Variants in DENND1A observed in about 807,000 individuals in gnomAD.
DENND1A encodes DENN domain-containing protein 1A.
Under a neutral mutation model 113.7 loss-of-function variants are expected in DENND1A, and 51 were observed. The ratio of observed to expected loss-of-function variants is 0.45; its 90% CI spans 0.36 to 0.57. DENND1A has a LOEUF of 0.57. Among genes scored for constraint, DENND1A ranks in the 20% least tolerant of loss-of-function variants. The pLI, the probability that DENND1A is intolerant of heterozygous loss-of-function variation, is 0.00. For synonymous variants in DENND1A, 565 were observed against 570.8 expected (o/e 0.99, Z 0.14); for missense variants, 1,258 against 1,395.9 (o/e 0.90, Z 1.57).
intron 2 of DENND1A, among the ~76,000 whole-genome samples, chr9:123,877,167 TC>T (rs1219114379): frequency 6.6e-6 from 1 of 152,078 alleles, no homozygotes; most frequent in African/African-American, 2.4e-5. Flanking sequence ...ACACAACTGC[TC>T]TTGTAACCCC....
At chr9:123,693,081 A>T (rs1198234883) in intron 5 of DENND1A, among the ~76,000 whole-genome samples, 28 of 152,184 alleles carry the variant, frequency 1.8e-4, no homozygotes, top group Non-Finnish European at 4.4e-5. Context: ...TTTAATTTAT[A>T]TCAAATAAAC....
chr9:123,510,026 C>T (rs531150432), intron 13 of DENND1A, among the ~76,000 whole-genome samples: 4 of 152,244 alleles, frequency 2.6e-5, no homozygotes, highest in Non-Finnish European at 4.4e-5. Flanking sequence ...AAAGCTGTCC[C>T]CTTCAAAGAC....
intron 8 of DENND1A, among the ~76,000 whole-genome samples, chr9:123,660,987 G>A (rs1261972284): frequency 6.6e-6 from 1 of 152,328 alleles, no homozygotes; most frequent in Non-Finnish European, 1.5e-5. Flanking sequence ...AATATCCTAC[G>A]ATGTATAAAA....
chr9:123,510,132 C>T (rs2053326908), intron 13 of DENND1A, among the ~76,000 whole-genome samples: 1 of 152,266 alleles, frequency 6.6e-6, no homozygotes, highest in South Asian at 2.1e-4. Flanking sequence ...TCCCACTTCT[C>T]TGCTGTAGCC....
chr9:123,879,148 T>C (rs1847954358), intron 1 of DENND1A, 127 bp from the exon 2 acceptor site: 4 of 835,336 alleles, frequency 4.8e-6, no homozygotes, highest in Admixed American at 4.5e-5. Context: ...CGTGGAACTT[T>C]GGACAAGCTA....
At chr9:123,490,455 G>A (rs1037801376) in intron 13 of DENND1A, among the ~76,000 whole-genome samples, 1 of 152,044 alleles carries the variant, frequency 6.6e-6, no homozygotes, top group Non-Finnish European at 1.5e-5. Context: ...CAGGCGTGGT[G>A]GGGGGCACCT....
intron 10 of DENND1A, among the ~76,000 whole-genome samples, chr9:123,629,153 A>G (rs1480475238): frequency 6.6e-6 from 1 of 152,216 alleles, no homozygotes; most frequent in African/African-American, 2.4e-5. Flanking sequence ...TGGAGATCCC[A>G]GCAAAAGTAT....
chr9:123,388,782 C>T (rs1006467468), intron 21 of DENND1A, among the ~76,000 whole-genome samples: 6 of 152,050 alleles, frequency 3.9e-5, no homozygotes, highest in African/African-American at 1.2e-4. Context: ...CAGGGGCGAG[C>T]TGGACCAGGC....
At chr9:123,731,564 A>G (rs1486056215) in intron 5 of DENND1A, among the ~76,000 whole-genome samples, 1 of 152,262 alleles carries the variant, frequency 6.6e-6, no homozygotes, top group African/African-American at 2.4e-5. Context: ...CTTAAAAATA[A>G]TTAACTCTAA....
Position 123,929,698 on chromosome 9 carries a change from C to T in DENND1A, c.17+191G>A, listed in dbSNP as rs866995077. 8.5e-4 allele frequency among the ~76,000 whole-genome samples: 129 copies of T among 151,946 alleles called. 1 individual carries two copies. Among genetic ancestry groups the T allele is most frequent in the Middle Eastern group, 6.8e-3 (2 of 294 alleles). ...CACCTGACCCCCGGCGCCCTGCCAC[C>T]CCGCGCGCACCCCGCCCCCGCGCCT... is the stretch of plus-strand genomic sequence containing the variant. On this transcript the variant is annotated intron_variant, in intron 1 of 23. Coordinates refer to ENST00000394215, the MANE Select transcript of DENND1A (RefSeq NM_001352964.2).
intron 5 of DENND1A, among the ~76,000 whole-genome samples, chr9:123,698,947 C>CA (rs1184514928): frequency 2.0e-5 from 3 of 152,074 alleles, no homozygotes; most frequent in Non-Finnish European, 4.4e-5. Flanking sequence ...TTTACGGTGG[C>CA]AAAAAACTAT....
chr9:123,698,313 T>C (rs2065654818), intron 5 of DENND1A, among the ~76,000 whole-genome samples: 1 of 152,214 alleles, frequency 6.6e-6, no homozygotes, highest in Non-Finnish European at 1.5e-5. Context: ...GAAATTTGTC[T>C]GAAATCATTT....
chr9:123,586,511 G>T (rs2059171294), intron 11 of DENND1A, among the ~76,000 whole-genome samples: 1 of 152,188 alleles, frequency 6.6e-6, no homozygotes, highest in Non-Finnish European at 1.5e-5. Flanking sequence ...GGTCCCCTTA[G>T]TAACCAAAAT....
At chr9:123,616,948 C>T (rs1008396035) in intron 10 of DENND1A, among the ~76,000 whole-genome samples, 13 of 152,332 alleles carry the variant, frequency 8.5e-5, no homozygotes, top group African/African-American at 2.9e-4. Flanking sequence ...TACAAGGAGA[C>T]GCACAGGGTG....
intron 11 of DENND1A, among the ~76,000 whole-genome samples, chr9:123,608,726 A>T (rs1251638916): frequency 6.6e-6 from 1 of 152,246 alleles, no homozygotes; most frequent in African/African-American, 2.4e-5. Flanking sequence ...ATGCATAAAG[A>T]TGTTCACTGA....
chr9:123,564,119 G>C (rs988697863), intron 12 of DENND1A, among the ~76,000 whole-genome samples: 1 of 152,138 alleles, frequency 6.6e-6, no homozygotes, highest in South Asian at 2.1e-4. Context: ...TTCAGAAGGG[G>C]TTCTCATGTT....
At chr9:123,828,804 A>C (rs1394321501) in intron 2 of DENND1A, among the ~76,000 whole-genome samples, 2 of 152,192 alleles carry the variant, frequency 1.3e-5, no homozygotes, top group Non-Finnish European at 2.9e-5. Flanking sequence ...TGAAAATATC[A>C]AAAACCAAAC....
At chr9:123,469,114 C>G (rs994683381) in intron 13 of DENND1A, among the ~76,000 whole-genome samples, 5 of 152,166 alleles carry the variant, frequency 3.3e-5, no homozygotes, top group Non-Finnish European at 5.9e-5. Context: ...TCAGATGACT[C>G]TGGCTGGGCT....
intron 12 of DENND1A, among the ~76,000 whole-genome samples, chr9:123,562,675 C>T (rs2057825785): frequency 6.6e-6 from 1 of 152,126 alleles, no homozygotes; most frequent in African/African-American, 2.4e-5. Flanking sequence ...TATAAAAAAG[C>T]ATATGTTACT....
Sources: allele counts gnomAD v4.1 joint callset (sites outside exome capture counted in the v4.1 genomes callset), GRCh38; gene constraint gnomAD v4.1.1; transcripts MANE v1.5; gene names NCBI Gene and HGNC (gene_info 2026-07-23, HGNC 2026-07-21).